CRYBG1: variants seen among roughly 807,000 people sequenced by gnomAD.
The protein encoded by CRYBG1 is beta/gamma crystallin domain-containing protein 1.
In CRYBG1, 139 loss-of-function variants were observed where a neutral mutation model predicts 189.2. That is an observed-to-expected ratio of 0.73 (90% CI 0.64 to 0.85). CRYBG1 has a LOEUF of 0.85. CRYBG1 is among the 40% of genes least tolerant of loss of function. The pLI is 0.00. For missense variants in CRYBG1, 2,611 were observed against 2,675.8 expected (o/e 0.98, Z 0.53); for synonymous variants, 1,023 against 1,017.1 (o/e 1.01, Z -0.11).
chr6:106,441,386 C>T (rs1446135237), intron 1 of CRYBG1, among the ~76,000 whole-genome samples: 1 of 152,082 alleles, frequency 6.6e-6, no homozygotes, highest in Non-Finnish European at 1.5e-5. Context: ...CCTCTGCTTG[C>T]CTCTGCACCT....
rs189252801 is a variant in CRYBG1, at chr6:106,476,459, C to T, written c.312+24627C>T. Among the ~76,000 whole-genome samples the T allele has an allele frequency of 3.9e-5, 6 of 152,196 alleles. No homozygotes were observed. The East Asian group carries it at 9.7e-4, about 24-fold the overall frequency. On this transcript the variant is annotated intron_variant, in intron 2 of 21. Coordinates refer to ENST00000633556, the MANE Select transcript of CRYBG1 (RefSeq NM_001371242.2). ...ATAAGTTAGATCTAACACCAAAAGA[C>T]CATTTAATGGAATAGATTTCTAAAT... is the stretch of plus-strand genomic sequence containing the variant.
intron 1 of CRYBG1, among the ~76,000 whole-genome samples, chr6:106,388,098 G>A (rs540513939): frequency 2.0e-5 from 3 of 152,240 alleles, no homozygotes; most frequent in South Asian, 4.2e-4. Flanking sequence ...ATCCTTGTTT[G>A]GATGTCTAGT....
rs780135878 is a variant in CRYBG1 at position 106,560,887 on chromosome 6, T to C, written c.5940T>C (p.Ser1980=). The C allele has an allele frequency of 1.9e-6, 3 of 1,612,978 alleles. No individual in the cohort carries two copies. In the Admixed American group the frequency reaches 5.0e-5, roughly 27 times the overall value. The change falls in exon 19 of 22, where the codon AGT becomes AGC. Residue 1980 remains serine, a synonymous_variant. Coordinates refer to ENST00000633556, the MANE Select transcript of CRYBG1 (RefSeq NM_001371242.2). ...AAGTACCTAATTGGTATGAATTCAG[T>C]GGCTGTCGCCAAATAGGTTCTCTAC... ...PAEVPNWYEF[S]GCRQIGSLRP...
chr6:106,400,180 A>G (rs1770695205), intron 1 of CRYBG1, among the ~76,000 whole-genome samples: 1 of 147,552 alleles, frequency 6.8e-6, no homozygotes, highest in African/African-American at 2.5e-5. Flanking sequence ...AGGTCTCCCC[A>G]TGTTGCTCAG....
chr6:106,514,857 C>G (rs538013047), intron 3 of CRYBG1, among the ~76,000 whole-genome samples: 6 of 152,320 alleles, frequency 3.9e-5, no homozygotes, highest in South Asian at 2.1e-4. Flanking sequence ...ACCAGACATT[C>G]AATGTATTTG....
intron 1 of CRYBG1, among the ~76,000 whole-genome samples, chr6:106,402,075 G>A (rs1582742732): frequency 9.3e-6 from 1 of 107,642 alleles, no homozygotes; most frequent in East Asian, 2.9e-4. Flanking sequence ...AAATACCTAG[G>A]AATCCAACTT....
chr6:106,373,186 A>C (rs1054675291), intron 1 of CRYBG1, among the ~76,000 whole-genome samples: 1 of 152,236 alleles, frequency 6.6e-6, no homozygotes. Flanking sequence ...CAAAGAATTC[A>C]TATGCCTTAT....
chr6:106,520,050 G>C lies in CRYBG1; in HGVS notation c.2842G>C (p.Glu948Gln). ...GCGTAGTCCAGAAGCTGTGGGAAGT[G>C]AGTGTCCATCCAGAGTCCTCGTCCA... ...TERSPEAVGS[E>Q]CPSRVLVQVR... Residue 948 changes from glutamate to glutamine, a missense_variant, in exon 4 of 22, where the codon GAG becomes CAG. Physicochemically the swap from Glu to Gln is conservative, Grantham distance 29 (BLOSUM62 2). Around this residue, in one of 3 missense-constraint regions of CRYBG1, gnomAD observed 1,622 missense variants for 1,735.0 expected, o/e 0.93. Coordinates refer to ENST00000633556, the MANE Select transcript of CRYBG1 (RefSeq NM_001371242.2). The C allele has an allele frequency of 6.2e-7, 1 of 1,614,160 alleles. No individual in the cohort carries two copies. Among genetic ancestry groups the C allele is most frequent in the Non-Finnish European group, 8.5e-7 (1 of 1,180,000 alleles).
intron 16 of CRYBG1, among the ~76,000 whole-genome samples, chr6:106,555,497 A>G (rs1408798259): frequency 2.0e-5 from 3 of 152,208 alleles, no homozygotes. Context: ...ACCCATGAGA[A>G]GAGCAAGGAA....
intron 1 of CRYBG1, among the ~76,000 whole-genome samples, chr6:106,362,796 C>A (rs1429574071): frequency 6.6e-6 from 1 of 152,140 alleles, no homozygotes; most frequent in Non-Finnish European, 1.5e-5. Flanking sequence ...ATGTACCCAA[C>A]ATTGAAGTTC....
At chr6:106,409,032 G>A (rs763015175) in intron 1 of CRYBG1, among the ~76,000 whole-genome samples, 2 of 150,116 alleles carry the variant, frequency 1.3e-5, no homozygotes, top group Admixed American at 1.3e-4. Context: ...GGGTAATCAG[G>A]CAAGAGAAAG....
intron 1 of CRYBG1, among the ~76,000 whole-genome samples, chr6:106,380,799 C>T (rs971759256): frequency 3.3e-5 from 5 of 152,098 alleles, no homozygotes; most frequent in East Asian, 1.9e-4. Flanking sequence ...GAAAGTTTGT[C>T]ATGTAAGTAC....
At chr6:106,481,025 G>A (rs1227825718) in intron 2 of CRYBG1, among the ~76,000 whole-genome samples, 5 of 61,298 alleles carry the variant, frequency 8.2e-5, no homozygotes, top group Non-Finnish European at 1.4e-4. Flanking sequence ...CCAGGCTGGA[G>A]TGCAGTGGCG....
Position 106,361,020 on chromosome 6 carries a change from G to T in CRYBG1, c.112G>T (p.Ala38Ser), listed in dbSNP as rs1221497882. 2.0e-6 allele frequency: 3 copies of T among 1,535,182 alleles called. No individual in the cohort carries two copies. The African/African-American group carries it at 4.1e-5, about 21-fold the overall frequency. The change falls in exon 1 of 22, where the codon GCG (alanine) becomes TCG (serine). Residue 38 changes from alanine to serine, a missense_variant. Coordinates refer to ENST00000633556, the MANE Select transcript of CRYBG1 (RefSeq NM_001371242.2). ...LWRSKKKQQP[A>S]PPDCGVFVPH... ...GCGCTCCAAAAAGAAGCAGCAGCCG[G>T]CGCCGCCTGACTGTGGGGTGTTCGT...
intron 1 of CRYBG1, among the ~76,000 whole-genome samples, chr6:106,433,750 T>G (rs779328897): frequency 0.015 from 454 of 29,754 alleles, 18 homozygotes; most frequent in Non-Finnish European, 0.022. Flanking sequence ...TATATGTATA[T>G]ATATATGTGT....
Position 106,553,456 on chromosome 6 carries a change from T to C in CRYBG1, c.5474T>C (p.Ile1825Thr). 1 of 1,600,806 alleles carries C rather than the reference T, an allele frequency of 6.2e-7. No individual in the cohort carries two copies. Among genetic ancestry groups the C allele is most frequent in the Non-Finnish European group, 8.6e-7 (1 of 1,168,264 alleles). The change falls in exon 16 of 22, where the codon ATT becomes ACT. Residue 1825 changes from isoleucine to threonine, a missense_variant and splice_region_variant. Ile to Thr is a moderately conservative substitution (Grantham distance 89). Coordinates refer to ENST00000633556, the MANE Select transcript of CRYBG1 (RefSeq NM_001371242.2). Reference protein sequence around the residue: ...SFTGPRRRNQIHLFSEPQFQG... With the variant: ...SFTGPRRRNQTHLFSEPQFQG... Reference sequence around the variant, plus strand: ...GTGTTTCTGTTTACTTTTTCAAAGATTCACTTGTTTTCAGAACCACAGTTT... The same window carrying C: ...GTGTTTCTGTTTACTTTTTCAAAGACTCACTTGTTTTCAGAACCACAGTTT...
At position 106,544,688 on chromosome 6, in the gene CRYBG1, T is replaced by C; in HGVS notation, c.5157T>C (p.Pro1719=). ...GYNGELQSLR[P]ILGDFSNAHM... The stretch of plus-strand genomic sequence containing the variant: ...ATGGAGAGCTTCAGTCTTTACGACC[T>C]ATATTAGGTGTAAGTAAAGGACAAG... The change falls in exon 12 of 22, where the codon CCT becomes CCC. Residue 1719 remains proline (P), a synonymous_variant. Transcript: ENST00000633556. 1.2e-6 allele frequency: 2 copies of C among 1,613,876 alleles called. No individual in the cohort carries two copies. Among genetic ancestry groups the C allele is most frequent in the Non-Finnish European group, 8.5e-7 (1 of 1,179,908 alleles).
At chr6:106,380,095 A>C (rs1306301004) in intron 1 of CRYBG1, among the ~76,000 whole-genome samples, 15 of 152,132 alleles carry the variant, frequency 9.9e-5, no homozygotes, top group Admixed American at 9.8e-4. Context: ...CACTGCCCTG[A>C]CTTGTGCAAT....
At position 106,375,385 on chromosome 6, in the gene CRYBG1, TTAAG is replaced by T. The variant is rs3067978; in HGVS notation, c.173+14340_173+14343del. The stretch of plus-strand genomic sequence containing the variant: ...TGGGAGACAGAGTGAGGCCCTGTCT[TTAAG>T]TAAGTAAGTAAGTAAGTAAGTAAGT... On this transcript the variant is annotated intron_variant, in intron 1 of 21. Coordinates refer to ENST00000633556, the MANE Select transcript of CRYBG1 (RefSeq NM_001371242.2). Among the ~76,000 whole-genome samples, 188 of 145,090 alleles carry T rather than the reference TTAAG, an allele frequency of 1.3e-3. 2 individuals are homozygous for T. The highest frequency in any genetic ancestry group is 7.1e-4 in the African/African-American group (28 of 39,386).
Sources: allele counts gnomAD v4.1 joint callset (sites outside exome capture counted in the v4.1 genomes callset), GRCh38; gene constraint gnomAD v4.1.1; regional missense constraint gnomAD v4.1.1; transcripts MANE v1.5; gene names NCBI Gene and HGNC (gene_info 2026-07-23, HGNC 2026-07-21).